The following SAMD5 variants were observed in gnomAD, a reference collection of about 807,000 sequenced individuals.
SAMD5 encodes sterile alpha motif domain-containing protein 5.
SAMD5 carries 13 observed loss-of-function variants against 11.3 expected under a neutral mutation model. The observed-to-expected ratio is 1.15, with a 90% CI of 0.75 to 1.83. SAMD5 has a LOEUF of 1.83. Among genes scored for constraint, SAMD5 ranks in the 40% most tolerant of loss-of-function variants. The pLI is 0.00. For missense variants in SAMD5, 255 were observed against 239.1 expected, an observed-to-expected ratio of 1.07 and a Z score of -0.44; for synonymous variants, 129 against 111.3, an observed-to-expected ratio of 1.16 and a Z score of -1.00.
chr6:147,904,024 T>C, the SAMD5 span, among the ~76,000 whole-genome samples: 1 of 152,210 alleles, frequency 6.6e-6, no homozygotes, highest in Admixed American at 6.5e-5. Context: ...AAGCAGACTG[T>C]ACAAAATGTT....
downstream of SAMD5, among the ~76,000 whole-genome samples, chr6:147,738,923 C>T (rs924260451): frequency 3.3e-5 from 5 of 152,212 alleles, no homozygotes; most frequent in African/African-American, 4.8e-5. Context: ...CACACACCCC[C>T]ACCCACGAGC....
At chr6:147,678,699 C>T (rs1441177375) in intron 1 of SAMD5, among the ~76,000 whole-genome samples, 5 of 152,126 alleles carry the variant, frequency 3.3e-5, no homozygotes, top group South Asian at 2.1e-4. Context: ...CATAAAAGAA[C>T]GCCTTGAGAA....
intron 1 of SAMD5, among the ~76,000 whole-genome samples, chr6:147,609,182 T>C (rs956774262): frequency 4.6e-5 from 7 of 152,172 alleles, no homozygotes; most frequent in African/African-American, 1.4e-4. Flanking sequence ...CTTAATGAGA[T>C]AATCAAGTTA....
the SAMD5 span, among the ~76,000 whole-genome samples, chr6:147,797,192 T>C: frequency 7.5e-6 from 1 of 133,114 alleles, no homozygotes; most frequent in African/African-American, 3.1e-5. Flanking sequence ...CAGTATGATA[T>C]TGGCTGTTGG....
At chr6:147,953,915 A>G in the SAMD5 span, 1 of 152,228 alleles carries the variant, frequency 6.6e-6, no homozygotes, top group Non-Finnish European at 1.5e-5. Flanking sequence ...ATCATTTGCT[A>G]GAAAAAATTA....
intron 1 of SAMD5, among the ~76,000 whole-genome samples, chr6:147,668,929 A>G (rs1468025237): frequency 6.6e-6 from 1 of 152,216 alleles, no homozygotes; most frequent in Non-Finnish European, 1.5e-5. Context: ...AACTTAATTA[A>G]AAATACTTTT....
In SAMD5 at chr6:147,711,927, T is replaced by C. The variant is rs1156288141; in HGVS notation, c.163-25390T>C. Among the ~76,000 whole-genome samples the C allele has an allele frequency of 6.6e-6, 1 of 152,208 alleles. No individual in the cohort carries two copies. The highest frequency in any genetic ancestry group is 1.5e-5 in the Non-Finnish European group (1 of 68,038). On this transcript the variant is annotated intron_variant, in intron 1 of 1. Coordinates refer to the SAMD5 transcript ENST00000566741. This position sits in a 1 kb window ranked among gnomAD's most constrained non-coding sequence, Gnocchi z 4.1. ...CACTCAGAGGTCTGCACCAACCATCTTTTAAGCTAAGATGTATCTTCAGTA... is the reference window on the plus strand; with the variant it reads ...CACTCAGAGGTCTGCACCAACCATCCTTTAAGCTAAGATGTATCTTCAGTA...
At chr6:147,746,801 A>C in the SAMD5 span, among the ~76,000 whole-genome samples, 1 of 152,218 alleles carries the variant, frequency 6.6e-6, no homozygotes, top group Non-Finnish European at 1.5e-5. Flanking sequence ...ACGTTTTACT[A>C]AACATCTCGA....
chr6:147,659,639 C>T lies in SAMD5; in HGVS notation c.163-77678C>T, dbSNP rs1583128080. On this transcript the variant is annotated intron_variant, in intron 1 of 1. Coordinates refer to the SAMD5 transcript ENST00000566741. Reference sequence around the variant, plus strand: ...AAAGTATACAAGAATGAGTGTATTCCGTTTAGGAATTTCTGTTAAATTGCT... The same window carrying T: ...AAAGTATACAAGAATGAGTGTATTCTGTTTAGGAATTTCTGTTAAATTGCT... Among the ~76,000 whole-genome samples the T allele has an allele frequency of 3.3e-5, 5 of 152,002 alleles. No homozygotes were observed. In the South Asian group the frequency reaches 8.3e-4, roughly 25 times the overall value.
the SAMD5 span, among the ~76,000 whole-genome samples, chr6:147,780,916 A>G: frequency 6.6e-6 from 1 of 152,160 alleles, no homozygotes; most frequent in South Asian, 2.1e-4. Flanking sequence ...TGTTATTCAT[A>G]AAATATGTTT....
At chr6:147,606,665 C>T (rs1789706720) in intron 1 of SAMD5, among the ~76,000 whole-genome samples, 1 of 151,670 alleles carries the variant, frequency 6.6e-6, no homozygotes, top group South Asian at 2.1e-4. Flanking sequence ...CTTCAAACCA[C>T]TAACTGTGCC....
chr6:147,739,644 G>A (rs1791850793), downstream of SAMD5, among the ~76,000 whole-genome samples: 1 of 152,000 alleles, frequency 6.6e-6, no homozygotes, highest in Admixed American at 6.6e-5. Context: ...AATGGAAAGA[G>A]ATTTTTAGTA....
At chr6:147,807,573 G>T in the SAMD5 span, among the ~76,000 whole-genome samples, 1 of 152,048 alleles carries the variant, frequency 6.6e-6, no homozygotes, top group Non-Finnish European at 1.5e-5. Context: ...AAAAATCTTT[G>T]GTCTTTTCGC....
the SAMD5 span, among the ~76,000 whole-genome samples, chr6:147,878,596 C>CAT: frequency 1.4e-5 from 2 of 143,658 alleles, no homozygotes; most frequent in African/African-American, 5.2e-5. Flanking sequence ...GATATATATA[C>CAT]ATATATATCT....
chr6:147,716,074 G>A (rs1791462472), intron 1 of SAMD5, among the ~76,000 whole-genome samples: 1 of 152,142 alleles, frequency 6.6e-6, no homozygotes, highest in African/African-American at 2.4e-5. Context: ...TCAAGGACCT[G>A]CCCCCTTCCA....
At chr6:147,546,861 G>T (rs1483430619) in intron 1 of SAMD5, among the ~76,000 whole-genome samples, 1 of 152,186 alleles carries the variant, frequency 6.6e-6, no homozygotes. Flanking sequence ...GAATTGGAAA[G>T]AAAATTAGCT....
At chr6:147,753,155 C>T in the SAMD5 span, among the ~76,000 whole-genome samples, 726 of 152,262 alleles carry the variant, frequency 4.8e-3, 15 homozygotes, top group East Asian at 0.073. Flanking sequence ...TTCCGACATT[C>T]AGAAAGCCAA....
chr6:147,780,601 G>C, the SAMD5 span, among the ~76,000 whole-genome samples: 1 of 152,114 alleles, frequency 6.6e-6, no homozygotes, highest in Admixed American at 6.5e-5. Flanking sequence ...CAAAACCAAA[G>C]CATTTGACTC....
At chr6:147,836,884 A>C in the SAMD5 span, among the ~76,000 whole-genome samples, 1 of 152,340 alleles carries the variant, frequency 6.6e-6, no homozygotes, top group Non-Finnish European at 1.5e-5. Flanking sequence ...ACTAAAAATG[A>C]AGTTTATATA....
Sources: gnomAD v4.1 joint callset for allele counts (sites outside exome capture counted in the v4.1 genomes callset) on GRCh38, gnomAD v4.1.1 for gene constraint, Gnocchi (gnomAD v3.1) non-coding constraint, MANE v1.5 for transcripts, NCBI Gene and HGNC (gene_info 2026-07-23, HGNC 2026-07-21) for gene names.